The following ZNF264 variants were observed in gnomAD, a reference collection of about 807,000 sequenced individuals.
ZNF264 encodes zinc finger protein 264.
Under a neutral mutation model 11.2 loss-of-function variants are expected in ZNF264, and 11 were observed. The ratio of observed to expected loss-of-function variants is 0.98; its 90% CI spans 0.62 to 1.63. The LOEUF is 1.63. Among genes scored for constraint, ZNF264 ranks in the 40% most tolerant of loss-of-function variants. The pLI is 0.00. For synonymous variants in ZNF264, 309 were observed against 279.8 expected (o/e 1.10, Z -1.04); for missense variants, 752 against 768.1 (o/e 0.98, Z 0.25).
Position 57,205,476 on chromosome 19 carries a change from C to T in ZNF264, c.240C>T (p.Ser80=), listed in dbSNP as rs562443307. The T allele has an allele frequency of 1.7e-5, 27 of 1,610,958 alleles. No homozygotes were observed. In the South Asian group the frequency reaches 2.9e-4, roughly 17 times the overall value. ...CATGGACCAGGAAGGAAGACCTCTC[C>T]CAAGACACCTGTCCAGGTAGGAGCC... ...QEPWTRKEDL[S]QDTCPGDKGK... is the part of the protein sequence containing the mutation. The change falls in exon 3 of 4, where the codon TCC becomes TCT. Residue 80 remains serine (S), a synonymous_variant. Transcript: ENST00000263095.
intron 2 of ZNF264, among the ~76,000 whole-genome samples, chr19:57,199,778 C>T (rs1210244221): frequency 6.6e-6 from 1 of 151,796 alleles, no homozygotes; most frequent in East Asian, 1.9e-4. Flanking sequence ...AGTTATAGGT[C>T]TAGAAGCAAA....
At chr19:57,192,332 G>A in intron 1 of ZNF264, 1 of 985,258 alleles carries the variant, frequency 1.0e-6, no homozygotes, top group Non-Finnish European at 1.2e-6. Context: ...TCAGGAGGGT[G>A]TGTAAGGTTG....
rs189885035 is a variant in ZNF264, at chr19:57,215,058, G to A, written c.*2077G>A. On this transcript the variant is annotated 3_prime_UTR_variant, in exon 4 of 4. Transcript: ENST00000263095. ...TTATGTTCTAAATGTCTTATGTGTG[G>A]TTTTGATGTCTAGGTGATCTTGACC... 1 of 152,274 alleles carries A rather than the reference G, an allele frequency of 6.6e-6. No individual in the cohort carries two copies. Among genetic ancestry groups the A allele is most frequent in the East Asian group, 1.9e-4 (1 of 5,176 alleles). The allele number at this position is 152,274 out of a possible 1,614,324, so 9.4% of individuals were successfully genotyped here.
intron 2 of ZNF264, among the ~76,000 whole-genome samples, chr19:57,200,826 C>T (rs1303836053): frequency 1.3e-5 from 2 of 151,654 alleles, no homozygotes; most frequent in Non-Finnish European, 2.9e-5. Context: ...TGGCCAGGCT[C>T]GCCTCGAACT....
chr19:57,212,167 A>T lies in ZNF264; in HGVS notation c.1070A>T (p.Tyr357Phe). 1 of 1,614,124 alleles carries T rather than the reference A, an allele frequency of 6.2e-7. No homozygotes were observed. The highest frequency in any genetic ancestry group is 8.5e-7 in the Non-Finnish European group (1 of 1,180,018). The stretch of plus-strand genomic sequence containing the variant: ...GGCAAGGTCTTCAAACACAGGTCAT[A>T]TCTCATGTGGCACCAGCAGACTCAT... ...ECGKVFKHRS[Y>F]LMWHQQTHTG... The change falls in exon 4 of 4, where the codon TAT becomes TTT. Residue 357 changes from tyrosine (Y) to phenylalanine (F), a missense_variant. Tyr to Phe is a conservative substitution (Grantham distance 22). Coordinates refer to ENST00000263095, the MANE Select transcript of ZNF264 (RefSeq NM_003417.5).
At chr19:57,198,975 T>G (rs1052460300) in intron 2 of ZNF264, among the ~76,000 whole-genome samples, 2 of 151,930 alleles carry the variant, frequency 1.3e-5, no homozygotes, top group Non-Finnish European at 2.9e-5. Context: ...CTTTTGTCCA[T>G]TCGACCTGGA....
intron 2 of ZNF264, among the ~76,000 whole-genome samples, chr19:57,194,350 G>A (rs555566661): frequency 6.6e-5 from 10 of 152,202 alleles, no homozygotes; most frequent in Admixed American, 1.3e-4. Flanking sequence ...CTCATGTCAC[G>A]TCTATTCTCT....
rs1001867759 is a variant in ZNF264, at chr19:57,191,636, C to G, written c.-278C>G. ...CGCCGCACCTTTGTACGAGCCTGAC[C>G]CCTTCCGTGGGTTTGTTCCTGGGTC... On this transcript the variant is annotated 5_prime_UTR_variant, in exon 1 of 4. Coordinates refer to ENST00000263095, the MANE Select transcript of ZNF264 (RefSeq NM_003417.5). 5.2e-6 allele frequency: 2 copies of G among 382,426 alleles called. No individual in the cohort carries two copies. The highest frequency in any genetic ancestry group is 4.6e-6 in the Non-Finnish European group (1 of 215,554). 23.7% of individuals were successfully genotyped at this position (382,426 alleles called of 1,614,324 possible).
Position 57,217,037 on chromosome 19 carries a change from G to A in ZNF264, c.*4056G>A, listed in dbSNP as rs1478367913. 2.0e-5 allele frequency: 3 copies of A among 152,110 alleles called. No individual in the cohort carries two copies. The highest frequency in any genetic ancestry group is 4.8e-5 in the African/African-American group (2 of 41,418). 9.4% of individuals were successfully genotyped at this position (152,110 alleles called of 1,614,324 possible). A position where few individuals can be genotyped will look rare whatever the true frequency, so the allele number is the denominator to read the frequency against. ...AACATCATAGCCGATCTTGCCTTCA[G>A]AATGCTCAGAAAATTTACATTAGCC... On this transcript the variant is annotated 3_prime_UTR_variant, in exon 4 of 4. Transcript: ENST00000263095.
Position 57,213,048 on chromosome 19 carries a change from G to GAACT in ZNF264, c.*68_*69insACTA. The GAACT allele has an allele frequency of 6.8e-7, 1 of 1,470,822 alleles. No individual in the cohort carries two copies. Among genetic ancestry groups the GAACT allele is most frequent in the Non-Finnish European group, 9.2e-7 (1 of 1,090,454 alleles). 91.1% of individuals were successfully genotyped at this position (1,470,822 alleles called of 1,614,324 possible). ...TCATATTAGAAATTCGTTCAGTCTA[G>GAACT]AGCCTTATTCTCCATCTGATAATTT... is the stretch of plus-strand genomic sequence containing the variant. On this transcript the variant is annotated 3_prime_UTR_variant, in exon 4 of 4. Transcript: ENST00000263095.
intron 3 of ZNF264, among the ~76,000 whole-genome samples, chr19:57,208,107 G>A (rs1201544042): frequency 1.3e-5 from 2 of 152,148 alleles, no homozygotes; most frequent in African/African-American, 2.4e-5. Flanking sequence ...CATCTGCTTC[G>A]GCCTCCCAAA....
At chr19:57,202,732 T>C (rs1419521360) in intron 2 of ZNF264, among the ~76,000 whole-genome samples, 2 of 151,916 alleles carry the variant, frequency 1.3e-5, no homozygotes, top group African/African-American at 2.4e-5. Flanking sequence ...CTGTATCCTT[T>C]GCAATATTCT....
chr19:57,212,756 C>T lies in ZNF264; in HGVS notation c.1659C>T (p.Ser553=), dbSNP rs745756531. The T allele has an allele frequency of 7.4e-6, 12 of 1,614,020 alleles. No individual in the cohort carries two copies. The Admixed American group carries it at 1.0e-4, about 13-fold the overall frequency. ...GAAAGGCCTTCAGTCGCAGCTCGTC[C>T]CTCACTCAGCATCAAAGGATGCATA... ...ECGKAFSRSS[S]LTQHQRMHTG... is the part of the protein sequence containing the mutation. The change falls in exon 4 of 4, where the codon TCC becomes TCT. Residue 553 remains serine, a synonymous_variant. Transcript: ENST00000263095.
At position 57,205,491 on chromosome 19, in the gene ZNF264, A is replaced by G. The variant is rs1341328809; in HGVS notation, c.255A>G (p.Pro85=). 1 of 1,607,366 alleles carries G rather than the reference A, an allele frequency of 6.2e-7. No individual in the cohort carries two copies. Among genetic ancestry groups the G allele is most frequent in the Admixed American group, 1.7e-5 (1 of 59,038 alleles). ...AAGACCTCTCCCAAGACACCTGTCC[A>G]GGTAGGAGCCAAGATCTGGGCAGGT... ...RKEDLSQDTC[P]GDKGKPKTTE... The change falls in exon 3 of 4, where the codon CCA becomes CCG. Residue 85 remains proline (P), a splice_region_variant and synonymous_variant. Coordinates refer to ENST00000263095, the MANE Select transcript of ZNF264 (RefSeq NM_003417.5).
Position 57,205,481 on chromosome 19 carries a change from A to T in ZNF264, c.245A>T (p.Asp82Val). Reference protein sequence around the residue: ...PWTRKEDLSQDTCPGDKGKPK... With the variant: ...PWTRKEDLSQVTCPGDKGKPK... ...ACCAGGAAGGAAGACCTCTCCCAAG[A>T]CACCTGTCCAGGTAGGAGCCAAGAT... Residue 82 changes from aspartate (D) to valine (V), a missense_variant, in exon 3 of 4, where the codon GAC becomes GTC. Asp to Val is a radical substitution (Grantham distance 152). Transcript: ENST00000263095. 6.2e-7 allele frequency: 1 copy of T among 1,609,902 alleles called. No individual in the cohort carries two copies. The highest frequency in any genetic ancestry group is 1.1e-5 in the South Asian group (1 of 89,850).
intron 3 of ZNF264, 130 bp downstream of exon 3, chr19:57,205,622 C>T: frequency 1.2e-6 from 1 of 812,582 alleles, no homozygotes; most frequent in South Asian, 1.5e-5. Flanking sequence ...ATAACTCTAT[C>T]ACACTAGAAT....
chr19:57,209,422 A>G (rs2087317601), intron 3 of ZNF264, among the ~76,000 whole-genome samples: 3 of 152,292 alleles, frequency 2.0e-5, no homozygotes, highest in Middle Eastern at 3.4e-3. Flanking sequence ...TCCATAGTTA[A>G]GTATAGTTGG....
intron 3 of ZNF264, among the ~76,000 whole-genome samples, chr19:57,210,094 C>A (rs1166182380): frequency 6.6e-6 from 1 of 152,098 alleles, no homozygotes; most frequent in East Asian, 1.9e-4. Context: ...TGGGAATCAG[C>A]CTCCCCTCTG....
At chr19:57,205,551 C>T in intron 3 of ZNF264, 59 bp downstream of exon 3, 1 of 1,467,152 alleles carries the variant, frequency 6.8e-7, no homozygotes. Context: ...GGATGGAGAC[C>T]ACTGGCCCTG....
Sources: allele counts gnomAD v4.1 joint callset (sites outside exome capture counted in the v4.1 genomes callset), GRCh38; gene constraint gnomAD v4.1.1; transcripts MANE v1.5; gene names NCBI Gene and HGNC (gene_info 2026-07-23, HGNC 2026-07-21).